The following MNAT1 variants were observed in gnomAD, a reference collection of about 807,000 sequenced individuals.
MNAT1 encodes MNAT1 component of CDK activating kinase.
A neutral mutation model predicts 42.0 loss-of-function variants in MNAT1; 43 were observed. That is an observed-to-expected ratio of 1.02 (90% CI 0.80 to 1.32). MNAT1 has a LOEUF of 1.32. Among genes scored for constraint, MNAT1 ranks in the 40% most tolerant of loss-of-function variants. MNAT1 has a pLI of 0.00. For synonymous variants in MNAT1, 118 were observed against 120.0 expected (o/e 0.98, Z 0.11); for missense variants, 306 against 350.4 (o/e 0.87, Z 1.01).
intron 7 of MNAT1, among the ~76,000 whole-genome samples, chr14:60,894,202 T>TGCGG (rs1446601369): frequency 1.3e-5 from 2 of 152,122 alleles, no homozygotes; most frequent in African/African-American, 2.4e-5. Context: ...GGACTAGGAA[T>TGCGG]GCGGGCAGTA....
intron 7 of MNAT1, among the ~76,000 whole-genome samples, chr14:60,906,887 C>T (rs2035212003): frequency 6.6e-6 from 1 of 152,052 alleles, no homozygotes; most frequent in African/African-American, 2.4e-5. Flanking sequence ...ATTTCTCGTT[C>T]TTTAATAACA....
intron 3 of MNAT1, among the ~76,000 whole-genome samples, chr14:60,804,409 T>C (rs900497949): frequency 1.3e-4 from 20 of 152,232 alleles, no homozygotes; most frequent in African/African-American, 4.3e-4. Context: ...GAGACTTGTA[T>C]TATCTGATTA....
At chr14:60,748,380 G>A (rs1314171101) in intron 1 of MNAT1, among the ~76,000 whole-genome samples, 6 of 152,038 alleles carry the variant, frequency 3.9e-5, no homozygotes, top group Non-Finnish European at 8.8e-5. Flanking sequence ...CCAGGTTGGC[G>A]CCACTGTGCC....
rs751903777 is a variant in MNAT1, at chr14:60,740,642, G to T, written c.89+5691G>T. ...CCTCTGGGTAGAAAATTAGGAAAAG[G>T]CACTTATTTTAGGTGGAAGATTTAG... is the stretch of plus-strand genomic sequence containing the variant. On this transcript the variant is annotated intron_variant, in intron 1 of 7. Coordinates refer to ENST00000261245, the MANE Select transcript of MNAT1 (RefSeq NM_002431.4). The surrounding 1 kb of genome is among the most constrained non-coding windows in gnomAD (Gnocchi z 4.1). Among the ~76,000 whole-genome samples, 2 of 152,126 alleles carry T rather than the reference G, an allele frequency of 1.3e-5. No individual in the cohort carries two copies. Among genetic ancestry groups the T allele is most frequent in the Non-Finnish European group, 1.5e-5 (1 of 68,008 alleles).
chr14:60,933,693 A>G (rs1338411972), intron 7 of MNAT1, among the ~76,000 whole-genome samples: 1 of 152,156 alleles, frequency 6.6e-6, no homozygotes, highest in African/African-American at 2.4e-5. Flanking sequence ...ATAGCTATTG[A>G]CAGTCTGAAG....
intron 7 of MNAT1, among the ~76,000 whole-genome samples, chr14:60,908,957 T>G (rs925430524): frequency 3.9e-5 from 6 of 152,226 alleles, no homozygotes; most frequent in African/African-American, 1.4e-4. Flanking sequence ...AAAGTGTTCC[T>G]ATTTCTCCAT....
intron 7 of MNAT1, among the ~76,000 whole-genome samples, chr14:60,935,145 TG>T (rs1360014466): frequency 1.3e-5 from 2 of 152,192 alleles, no homozygotes; most frequent in Non-Finnish European, 2.9e-5. Context: ...CCTAAGTTTT[TG>T]TTGATGCTGT....
At chr14:60,758,043 T>TA (rs1025470302) in intron 1 of MNAT1, among the ~76,000 whole-genome samples, 1 of 152,092 alleles carries the variant, frequency 6.6e-6, no homozygotes, top group Non-Finnish European at 1.5e-5. Flanking sequence ...CCAACAAATA[T>TA]ACCAGATATT....
At chr14:60,810,352 G>T (rs931548423) in intron 4 of MNAT1, among the ~76,000 whole-genome samples, 1 of 151,724 alleles carries the variant, frequency 6.6e-6, no homozygotes. Context: ...TCTAATGTTT[G>T]TTATTTATTT....
rs113935771 is a variant in MNAT1, at chr14:60,835,024, A to C, written c.687+16177A>C. Among the ~76,000 whole-genome samples the C allele has an allele frequency of 3.6e-3, 443 of 121,718 alleles. 1 individual carries two copies. Among genetic ancestry groups the C allele is most frequent in the African/African-American group, 0.014 (420 of 30,868 alleles). The allele number at this position is 121,718 out of a possible 152,430, so 79.9% of individuals were successfully genotyped here. A position where few individuals can be genotyped will look rare whatever the true frequency, so the allele number is the denominator to read the frequency against. On this transcript the variant is annotated intron_variant, in intron 6 of 7. Transcript: ENST00000261245. ...CCCTCCCTCCCTCTCTCTCTCATTCATTCGTTCATTCGTTCAAAGTCAGTT... is the reference window on the plus strand; with the variant it reads ...CCCTCCCTCCCTCTCTCTCTCATTCCTTCGTTCATTCGTTCAAAGTCAGTT...
In MNAT1 at chr14:60,784,515, C is replaced by T. The variant is rs375564591; in HGVS notation, c.90-11702C>T. Among the ~76,000 whole-genome samples the T allele has an allele frequency of 1.6e-4, 24 of 152,110 alleles. No homozygotes were observed. The East Asian group carries it at 3.1e-3, about 20-fold the overall frequency. The stretch of plus-strand genomic sequence containing the variant: ...TTCCCCCGCAAGACAGAGTCTTGCC[C>T]TGTCACCCAGGCTGGAGTGCAGTGG... On this transcript the variant is annotated intron_variant, in intron 1 of 7. Coordinates refer to ENST00000261245, the MANE Select transcript of MNAT1 (RefSeq NM_002431.4).
chr14:60,859,713 C>T (rs910110957), intron 6 of MNAT1, among the ~76,000 whole-genome samples: 1 of 152,090 alleles, frequency 6.6e-6, no homozygotes, highest in African/African-American at 2.4e-5. Flanking sequence ...TGAGTAAAAT[C>T]ATGCAGTTCA....
chr14:60,742,229 G>T (rs1245781796), intron 1 of MNAT1, among the ~76,000 whole-genome samples: 2 of 151,904 alleles, frequency 1.3e-5, no homozygotes, highest in East Asian at 3.9e-4. Flanking sequence ...GGGACTACAG[G>T]TGTGCACTGC....
At chr14:60,775,620 T>G (rs1181388735) in intron 1 of MNAT1, among the ~76,000 whole-genome samples, 1 of 152,080 alleles carries the variant, frequency 6.6e-6, no homozygotes, top group African/African-American at 2.4e-5. Flanking sequence ...GATTAGGAAG[T>G]GGGATATAGA....
chr14:60,944,492 C>T (rs1458175526), intron 7 of MNAT1, among the ~76,000 whole-genome samples: 3 of 152,178 alleles, frequency 2.0e-5, no homozygotes, highest in Non-Finnish European at 2.9e-5. Flanking sequence ...TTCCTAGACT[C>T]CAGAATTATG....
At chr14:60,856,471 A>G (rs570522271) in intron 6 of MNAT1, among the ~76,000 whole-genome samples, 1 of 152,318 alleles carries the variant, frequency 6.6e-6, no homozygotes, top group Admixed American at 6.5e-5. Context: ...GAAAGATGCC[A>G]TTTCTATAAC....
intron 1 of MNAT1, among the ~76,000 whole-genome samples, chr14:60,760,835 TG>T (rs1371702340): frequency 6.6e-6 from 1 of 152,242 alleles, no homozygotes; most frequent in African/African-American, 2.4e-5. Context: ...CAAAGGCTAA[TG>T]GATTCCACAC....
At chr14:60,935,222 G>T (rs1412014316) in intron 7 of MNAT1, among the ~76,000 whole-genome samples, 1 of 151,704 alleles carries the variant, frequency 6.6e-6, no homozygotes. Flanking sequence ...CGTAGATAGG[G>T]GCCATATTTC....
chr14:60,953,290 C>A (rs779244957), intron 7 of MNAT1, among the ~76,000 whole-genome samples: 3 of 151,996 alleles, frequency 2.0e-5, no homozygotes, highest in Admixed American at 1.3e-4. Context: ...GGTATTGGCA[C>A]CCTTGGGTTA....
Sources: gnomAD v4.1 joint callset for allele counts (sites outside exome capture counted in the v4.1 genomes callset) on GRCh38, gnomAD v4.1.1 for gene constraint, Gnocchi (gnomAD v3.1) non-coding constraint, MANE v1.5 for transcripts, NCBI Gene and HGNC (gene_info 2026-07-23, HGNC 2026-07-21) for gene names.